MINDY2: variants seen among roughly 807,000 people sequenced by gnomAD.
The protein encoded by MINDY2 is MINDY lysine 48 deubiquitinase 2.
MINDY2 carries 52 observed loss-of-function variants against 68.2 expected under a neutral mutation model. The ratio of observed to expected loss-of-function variants is 0.76; its 90% CI spans 0.61 to 0.96. The LOEUF is 0.96. Ranked by LOEUF, MINDY2 falls within the 40% of genes least tolerant of loss-of-function variation. MINDY2 has a pLI of 0.00. For missense variants in MINDY2, 881 were observed against 773.4 expected, an observed-to-expected ratio of 1.14 and a Z score of -1.65; for synonymous variants, 372 against 303.0, an observed-to-expected ratio of 1.23 and a Z score of -2.36.
chr15:58,804,973 G>A (rs1338368498), intron 3 of MINDY2, among the ~76,000 whole-genome samples: 2 of 151,892 alleles, frequency 1.3e-5, no homozygotes, highest in Non-Finnish European at 1.5e-5. Context: ...CAAAAAATTA[G>A]GAAAGAAAGA....
chr15:58,783,969 G>A (rs1225987575), intron 1 of MINDY2, among the ~76,000 whole-genome samples: 8 of 151,914 alleles, frequency 5.3e-5, no homozygotes, highest in Admixed American at 5.2e-4. Flanking sequence ...CCTTATAATG[G>A]AATATTTGGA....
At chr15:58,814,242 A>G (rs1443207754) in intron 4 of MINDY2, among the ~76,000 whole-genome samples, 1 of 152,020 alleles carries the variant, frequency 6.6e-6, no homozygotes, top group Non-Finnish European at 1.5e-5. Context: ...ACCCAGCCTA[A>G]TTTGCATTTC....
intron 1 of MINDY2, among the ~76,000 whole-genome samples, chr15:58,774,115 T>A (rs1299701346): frequency 6.6e-6 from 1 of 152,236 alleles, no homozygotes; most frequent in Non-Finnish European, 1.5e-5. Flanking sequence ...CATATTAAAC[T>A]GACTCATTCA....
At position 58,772,075 on chromosome 15, in the gene MINDY2, C is replaced by T. The variant is rs774035906; in HGVS notation, c.680C>T (p.Ala227Val). 3.7e-6 allele frequency: 6 copies of T among 1,612,822 alleles called. No homozygotes were observed. The highest frequency in any genetic ancestry group is 1.7e-4 in the Middle Eastern group (1 of 6,054). Residue 227 changes from alanine (A) to valine (V), a missense_variant, in exon 1 of 9, where the codon GCT becomes GTT. By Grantham distance (64) the Ala-to-Val change is moderately conservative. Coordinates refer to ENST00000559228, the MANE Select transcript of MINDY2 (RefSeq NM_001040450.3). Reference protein sequence around the residue: ...LCKEEEGEETAQVLAASKERF... With the variant: ...LCKEEEGEETVQVLAASKERF... ...AAGGAGGAGGAGGGGGAGGAGACCG[C>T]TCAGGTGCTGGCGGCCTCCAAGGAA...
chr15:58,847,406 T>G lies in MINDY2; in HGVS notation c.1478T>G (p.Phe493Cys). Reference sequence around the variant, plus strand: ...GATGGAAATTTCTGTGACTCAGAATTTCATCTTCGACCTCCTTCAGATCCT... The same window carrying G: ...GATGGAAATTTCTGTGACTCAGAATGTCATCTTCGACCTCCTTCAGATCCT... ...DGDGNFCDSEFHLRPPSDPET... is the reference protein window; with the variant it reads ...DGDGNFCDSECHLRPPSDPET... The change falls in exon 7 of 9, where the codon TTT becomes TGT. Residue 493 changes from phenylalanine to cysteine, a missense_variant. Phe to Cys is a radical substitution (Grantham distance 205). Transcript: ENST00000559228. 1 of 1,607,562 alleles carries G rather than the reference T, an allele frequency of 6.2e-7. No homozygotes were observed. The highest frequency in any genetic ancestry group is 8.5e-7 in the Non-Finnish European group (1 of 1,175,238).
intron 4 of MINDY2, among the ~76,000 whole-genome samples, chr15:58,813,037 A>G (rs1349398427): frequency 6.6e-5 from 10 of 152,166 alleles, no homozygotes; most frequent in Non-Finnish European, 1.5e-4. Context: ...TATTTTGAGA[A>G]TATTATATAC....
At chr15:58,831,191 GCATAAAAAAC>G (rs1162070553) in intron 5 of MINDY2, among the ~76,000 whole-genome samples, 1 of 151,766 alleles carries the variant, frequency 6.6e-6, no homozygotes, top group East Asian at 1.9e-4. Context: ...CATAAAAATG[GCATAAAAAAC>G]CATTAAAAAT....
chr15:58,845,124 G>A (rs2032470598), intron 6 of MINDY2, among the ~76,000 whole-genome samples: 1 of 151,980 alleles, frequency 6.6e-6, no homozygotes, highest in Admixed American at 6.6e-5. Context: ...ATGCAAATGA[G>A]GCCAGGTGTG....
chr15:58,857,943 G>C lies in MINDY2; in HGVS notation c.*3333G>C, dbSNP rs1477430761. Reference sequence around the variant, plus strand: ...ATTTTTCTTCATGTCTAATCCCATTGCATCCACAATGCTGTGATTTATAGT... The same window carrying C: ...ATTTTTCTTCATGTCTAATCCCATTCCATCCACAATGCTGTGATTTATAGT... On this transcript the variant is annotated 3_prime_UTR_variant, in exon 9 of 9. Coordinates refer to ENST00000559228, the MANE Select transcript of MINDY2 (RefSeq NM_001040450.3). 1 of 152,052 alleles carries C rather than the reference G, an allele frequency of 6.6e-6. No individual in the cohort carries two copies. Among genetic ancestry groups the C allele is most frequent in the Admixed American group, 6.6e-5 (1 of 15,250 alleles). 9.4% of individuals were successfully genotyped at this position (152,052 alleles called of 1,614,324 possible). A position where few individuals can be genotyped will look rare whatever the true frequency, so the allele number is the denominator to read the frequency against.
At chr15:58,793,323 A>G (rs34880782) in intron 2 of MINDY2, among the ~76,000 whole-genome samples, 40,169 of 151,764 alleles carry the variant, frequency 0.26, 5,840 homozygotes, top group East Asian at 0.62. Flanking sequence ...GTGGTGGCAC[A>G]TGCCTGTAGT....
chr15:58,811,891 T>A (rs1485593311), intron 4 of MINDY2, among the ~76,000 whole-genome samples: 3 of 152,216 alleles, frequency 2.0e-5, no homozygotes, highest in Non-Finnish European at 4.4e-5. Context: ...TTTCCACTGA[T>A]CTGTGTTATG....
chr15:58,834,221 A>T (rs896170489), intron 6 of MINDY2, among the ~76,000 whole-genome samples: 1 of 152,118 alleles, frequency 6.6e-6, no homozygotes, highest in Non-Finnish European at 1.5e-5. Context: ...CTTAATACAG[A>T]ACAAAATGGG....
At chr15:58,837,825 C>T (rs1451547531) in intron 6 of MINDY2, among the ~76,000 whole-genome samples, 1 of 151,446 alleles carries the variant, frequency 6.6e-6, no homozygotes, top group African/African-American at 2.4e-5. Context: ...AAAAATTAGC[C>T]AGGCATGGTG....
intron 4 of MINDY2, among the ~76,000 whole-genome samples, chr15:58,817,057 G>A (rs866192359): frequency 3.9e-5 from 6 of 152,122 alleles, no homozygotes; most frequent in Admixed American, 6.6e-5. Flanking sequence ...ATCACTGTAC[G>A]GAGGGATTTC....
intron 4 of MINDY2, among the ~76,000 whole-genome samples, chr15:58,818,763 C>G (rs1013935673): frequency 9.2e-5 from 14 of 151,544 alleles, no homozygotes; most frequent in African/African-American, 3.4e-4. Context: ...TCTCAGCCTC[C>G]CAAGTAGCTG....
chr15:58,824,520 C>T (rs530138845), intron 5 of MINDY2, among the ~76,000 whole-genome samples: 9 of 152,086 alleles, frequency 5.9e-5, no homozygotes, highest in Admixed American at 1.3e-4. Flanking sequence ...GATTTTTGTT[C>T]ATAAGTAACT....
At chr15:58,777,456 G>C (rs551036912) in intron 1 of MINDY2, among the ~76,000 whole-genome samples, 3 of 152,198 alleles carry the variant, frequency 2.0e-5, no homozygotes, top group Admixed American at 6.5e-5. Flanking sequence ...AGAACTGCTA[G>C]AGAGTAGGCG....
Position 58,772,139 on chromosome 15 carries a change from C to T in MINDY2, c.744C>T (p.Ile248=). The T allele has an allele frequency of 6.2e-7, 1 of 1,614,078 alleles. No individual in the cohort carries two copies. The change falls in exon 1 of 9, where the codon ATC becomes ATT. Residue 248 remains isoleucine (I), a synonymous_variant. Transcript: ENST00000559228. ...PGQSVYHIKW[I]QWKEENTPII... ...AATCTGTGTATCACATCAAGTGGAT[C>T]CAGTGGAAGGAAGAGAACACACCCA...
intron 2 of MINDY2, among the ~76,000 whole-genome samples, chr15:58,792,905 G>T (rs1341522517): frequency 6.6e-6 from 1 of 152,120 alleles, no homozygotes; most frequent in Non-Finnish European, 1.5e-5. Context: ...GGGAGGCTGA[G>T]GTGGGAGGAT....
Sources: gnomAD v4.1 joint callset for allele counts (sites outside exome capture counted in the v4.1 genomes callset) on GRCh38, gnomAD v4.1.1 for gene constraint, MANE v1.5 for transcripts, NCBI Gene and HGNC (gene_info 2026-07-23, HGNC 2026-07-21) for gene names.